TTLL12: variants seen among roughly 807,000 people sequenced by gnomAD.
TTLL12 encodes the protein tubulin tyrosine ligase like 12.
A neutral mutation model predicts 79.6 loss-of-function variants in TTLL12; 77 were observed. The observed-to-expected ratio is 0.97, with a 90% CI of 0.81 to 1.17. The LOEUF (loss-of-function observed/expected upper bound fraction) is 1.17. Ranked by LOEUF, TTLL12 falls within the 50% of genes most tolerant of loss-of-function variation. TTLL12 has a pLI of 0.00. For missense variants in TTLL12, 969 were observed against 895.9 expected, an observed-to-expected ratio of 1.08 and a Z score of -1.04; for synonymous variants, 437 against 376.1, an observed-to-expected ratio of 1.16 and a Z score of -1.87.
chr22:43,186,792 C>G, intron 1 of TTLL12, 101 bp downstream of exon 1: 1 of 1,147,298 alleles, frequency 8.7e-7, no homozygotes, highest in South Asian at 4.0e-5. Flanking sequence ...TGGCTCACCG[C>G]GGCTCCCGCC....
At position 43,168,890 on chromosome 22, in the gene TTLL12, G is replaced by A. The variant is rs757379574; in HGVS notation, c.1667C>T (p.Thr556Met). The A allele has an allele frequency of 1.1e-5, 18 of 1,611,168 alleles. No individual in the cohort carries two copies. The highest frequency in any genetic ancestry group is 1.7e-4 in the Middle Eastern group (1 of 6,028). Residue 556 changes from threonine (T) to methionine (M), a missense_variant, in exon 13 of 14, where the codon ACG (threonine) becomes ATG (methionine). By Grantham distance (81) the Thr-to-Met change is moderately conservative. Coordinates refer to ENST00000216129, the MANE Select transcript of TTLL12 (RefSeq NM_015140.4). Reference sequence around the variant, plus strand: ...GGCACAGGCCACCTGGAACAGCTCCGTGAAGGCCCGGAAGATCTCAGCCTG... The same window carrying A: ...GGCACAGGCCACCTGGAACAGCTCCATGAAGGCCCGGAAGATCTCAGCCTG... ...DVQAEIFRAF[T>M]ELFQVACAKP...
At chr22:43,186,812 C>T in intron 1 of TTLL12, 81 bp downstream of exon 1, 1 of 1,189,702 alleles carries the variant, frequency 8.4e-7, no homozygotes, top group Non-Finnish European at 1.0e-6. Context: ...CGCCCGGGAG[C>T]GCTCTTCCCT....
intron 6 of TTLL12, 146 bp downstream of exon 6, chr22:43,176,174 G>T (rs6003097): frequency 0.15 from 99,588 of 646,090 alleles, 8,363 homozygotes; most frequent in East Asian, 0.29. Context: ...CTCCCTGCAC[G>T]TGTCACTGCT....
At chr22:43,186,015 A>T in intron 1 of TTLL12, 6 of 985,354 alleles carry the variant, frequency 6.1e-6, no homozygotes, top group Non-Finnish European at 7.2e-6. Flanking sequence ...ACAGAGAAAA[A>T]CTGGCTCAGA....
rs543831058 is a variant in TTLL12 at position 43,167,352 on chromosome 22, C to G, written c.*656G>C. 3.0e-6 allele frequency: 1 copy of G among 330,190 alleles called. No individual in the cohort carries two copies. The highest frequency in any genetic ancestry group is 9.5e-5 in the East Asian group (1 of 10,564). The allele number at this position is 330,190 out of a possible 1,614,324, so 20.5% of individuals were successfully genotyped here. On this transcript the variant is annotated 3_prime_UTR_variant, in exon 14 of 14. Coordinates refer to ENST00000216129, the MANE Select transcript of TTLL12 (RefSeq NM_015140.4). ...AAACGAAAAGGAAACGGTAACAAGACGGTGGCCTCCTGCCAGGACCTCAGC... is the reference window on the plus strand; with the variant it reads ...AAACGAAAAGGAAACGGTAACAAGAGGGTGGCCTCCTGCCAGGACCTCAGC...
In TTLL12 at chr22:43,173,846, T is replaced by C; in HGVS notation, c.1230-20A>G. ...TCGCCCCTGGGGAGCAGAAGGGCTGTCTGGGGGGCGCCTGGGGCCTGTGTT... is the reference window on the plus strand; with the variant it reads ...TCGCCCCTGGGGAGCAGAAGGGCTGCCTGGGGGGCGCCTGGGGCCTGTGTT... On this transcript the variant is annotated intron_variant, in intron 8 of 13. Transcript: ENST00000216129. 6.3e-7 allele frequency: 1 copy of C among 1,595,068 alleles called. No homozygotes were observed. Among genetic ancestry groups the C allele is most frequent in the South Asian group, 1.1e-5 (1 of 90,532 alleles).
chr22:43,175,058 C>T (rs757273256), intron 6 of TTLL12, among the ~76,000 whole-genome samples: 12 of 152,240 alleles, frequency 7.9e-5, no homozygotes, highest in Admixed American at 3.3e-4. Context: ...CACCACAAGA[C>T]TCACGTCTCA....
chr22:43,184,583 A>G (rs1034017560), intron 1 of TTLL12, among the ~76,000 whole-genome samples: 5 of 152,250 alleles, frequency 3.3e-5, no homozygotes, highest in African/African-American at 4.8e-5. Flanking sequence ...CAGGGGTCAC[A>G]TGAGAGACAA....
At chr22:43,181,454 C>G (rs1037092784) in intron 2 of TTLL12, among the ~76,000 whole-genome samples, 2 of 152,244 alleles carry the variant, frequency 1.3e-5, no homozygotes, top group Non-Finnish European at 2.9e-5. Context: ...GGCTACCACA[C>G]AGGCCTCACC....
At chr22:43,181,439 A>C (rs1214180262) in intron 2 of TTLL12, among the ~76,000 whole-genome samples, 1 of 152,240 alleles carries the variant, frequency 6.6e-6, no homozygotes, top group Non-Finnish European at 1.5e-5. Flanking sequence ...CACAGACGGC[A>C]CAAGGGCTAC....
At chr22:43,171,504 T>G in intron 11 of TTLL12, 1 of 276,082 alleles carries the variant, frequency 3.6e-6, no homozygotes, top group Non-Finnish European at 7.1e-6. Context: ...CCGGTTGAAG[T>G]GGTGGTGAGG....
rs148710027 is a variant in TTLL12, at chr22:43,171,039, G to A, written c.1575+780C>T. On this transcript the variant is annotated intron_variant, in intron 11 of 13. Transcript: ENST00000216129. ...AATGACAGCCACACGTTCAGGGGTC[G>A]GGGAGCGTTGGGGCTGGCTGCATGG... Among the ~76,000 whole-genome samples, 1,287 of 152,324 alleles carry A rather than the reference G, an allele frequency of 8.4e-3. 18 individuals carry two copies. The highest frequency in any genetic ancestry group is 0.029 in the African/African-American group (1,197 of 41,578).
intron 2 of TTLL12, among the ~76,000 whole-genome samples, chr22:43,181,702 CG>C (rs1319294106): frequency 2.0e-5 from 3 of 152,336 alleles, no homozygotes; most frequent in Admixed American, 6.5e-5. Flanking sequence ...AGCTTGCCCC[CG>C]TCTCTGTTCC....
chr22:43,170,099 C>T (rs1931726467), intron 11 of TTLL12: 2 of 356,168 alleles, frequency 5.6e-6, no homozygotes, highest in Non-Finnish European at 1.1e-5. Flanking sequence ...CAGGTTTCTC[C>T]CAGAAAAGAA....
chr22:43,181,986 G>T (rs1932068401), intron 2 of TTLL12, among the ~76,000 whole-genome samples: 2 of 152,146 alleles, frequency 1.3e-5, no homozygotes, highest in African/African-American at 4.8e-5. Context: ...AATCAGGGGA[G>T]ACTCAGGGGG....
rs1290801768 is a variant in TTLL12, at chr22:43,172,519, GAAC to G, written c.1374_1376del (p.Leu458del). On this transcript the variant is annotated inframe_deletion, in exon 10 of 14. Coordinates refer to ENST00000216129, the MANE Select transcript of TTLL12 (RefSeq NM_015140.4). ...TGACCTTTCCCACGTCTTCTCGAAG[GAAC>G]AACACGGGACTTTCGATGTACTTGG... 5.6e-6 allele frequency: 9 copies of G among 1,614,134 alleles called. No individual in the cohort carries two copies. The highest frequency in any genetic ancestry group is 7.6e-6 in the Non-Finnish European group (9 of 1,180,032).
At position 43,167,851 on chromosome 22, in the gene TTLL12, T is replaced by C; in HGVS notation, c.*157A>G. The C allele has an allele frequency of 4.7e-6, 4 of 856,122 alleles. No homozygotes were observed. The highest frequency in any genetic ancestry group is 2.6e-5 in the East Asian group (1 of 38,962). 53.0% of individuals were successfully genotyped at this position (856,122 alleles called of 1,614,324 possible). A position where few individuals can be genotyped will look rare whatever the true frequency, so the allele number is the denominator to read the frequency against. The stretch of plus-strand genomic sequence containing the variant: ...AGAGGAGGATGCTGTGCTCCCGGAG[T>C]GTGGCGCCGGGAGGATGGCTCGGCA... On this transcript the variant is annotated 3_prime_UTR_variant, in exon 14 of 14. Transcript: ENST00000216129.
rs966071245 is a variant in TTLL12 at position 43,174,405 on chromosome 22, T to G, written c.1035-2A>C. 1 of 1,560,104 alleles carries G rather than the reference T, an allele frequency of 6.4e-7. No homozygotes were observed. Among genetic ancestry groups the G allele is most frequent in the Non-Finnish European group, 8.7e-7 (1 of 1,148,408 alleles). On this transcript the variant is annotated splice_acceptor_variant, in intron 7 of 13. Transcript: ENST00000216129. LOFTEE classifies it high-confidence loss of function. ...CCTGGCCTCTCCTGGCTGAGTTTCC[T>G]GCAGGGCGGAGGCAGGTGCGCCAGC...
rs1931683697 is a variant in TTLL12 at position 43,168,762 on chromosome 22, A to AG, written c.1783+11dup. 6.4e-7 allele frequency: 1 copy of AG among 1,551,088 alleles called. No homozygotes were observed. Among genetic ancestry groups the AG allele is most frequent in the African/African-American group, 1.4e-5 (1 of 73,070 alleles). On this transcript the variant is annotated intron_variant, in intron 13 of 13. Coordinates refer to ENST00000216129, the MANE Select transcript of TTLL12 (RefSeq NM_015140.4). ...TGCTGGTTTGGATCAGGAGATGGGG[A>AG]GCCCCTCTTACCATCTGGGCCGTTG...
Sources: gnomAD v4.1 joint callset for allele counts (sites outside exome capture counted in the v4.1 genomes callset) on GRCh38, gnomAD v4.1.1 for gene constraint, MANE v1.5 for transcripts, NCBI Gene and HGNC (gene_info 2026-07-23, HGNC 2026-07-21) for gene names.